The following IMMP2L variants were observed in gnomAD, a reference collection of about 807,000 sequenced individuals.
IMMP2L encodes the protein mitochondrial inner membrane protease subunit 2.
A neutral mutation model predicts 19.3 loss-of-function variants in IMMP2L; 18 were observed. The observed-to-expected ratio is 0.93, with a 90% CI of 0.64 to 1.38. IMMP2L has a LOEUF of 1.38. Among genes scored for constraint, IMMP2L ranks in the 40% most tolerant of loss-of-function variants. The pLI, the probability that IMMP2L is intolerant of heterozygous loss-of-function variation, is 0.00. For synonymous variants in IMMP2L, 76 were observed against 73.0 expected (o/e 1.04, Z -0.21); for missense variants, 233 against 218.2 (o/e 1.07, Z -0.43).
At chr7:111,222,053 T>C (rs1812576360) in intron 3 of IMMP2L, among the ~76,000 whole-genome samples, 1 of 151,928 alleles carries the variant, frequency 6.6e-6, no homozygotes, top group Non-Finnish European at 1.5e-5. Context: ...ATTTACTTTT[T>C]TCTTGTCTTC....
intron 1 of IMMP2L, among the ~76,000 whole-genome samples, chr7:111,528,325 A>G (rs1198688917): frequency 1.3e-5 from 2 of 152,146 alleles, no homozygotes; most frequent in African/African-American, 4.8e-5. Flanking sequence ...CCCCCAGCAA[A>G]AAGGGAATAA....
intron 3 of IMMP2L, among the ~76,000 whole-genome samples, chr7:111,250,240 C>T (rs1388971966): frequency 3.3e-5 from 5 of 152,052 alleles, no homozygotes; most frequent in African/African-American, 1.2e-4. Flanking sequence ...CAAACCACTG[C>T]TCCAAGAAAT....
intron 5 of IMMP2L, among the ~76,000 whole-genome samples, chr7:110,799,588 T>A (rs1204495249): frequency 6.6e-6 from 1 of 152,060 alleles, no homozygotes; most frequent in Non-Finnish European, 1.5e-5. Context: ...CCAAATACTT[T>A]AGTAAAGGGA....
At chr7:111,032,659 T>C (rs186507222) in intron 3 of IMMP2L, among the ~76,000 whole-genome samples, 4 of 151,932 alleles carry the variant, frequency 2.6e-5, no homozygotes, top group African/African-American at 7.2e-5. Context: ...CCCTCCCTAC[T>C]AAAAATACAA....
At chr7:111,447,897 G>T (rs1240474933) in intron 3 of IMMP2L, among the ~76,000 whole-genome samples, 1 of 149,028 alleles carries the variant, frequency 6.7e-6, no homozygotes, top group Admixed American at 6.7e-5. Flanking sequence ...AAAAAGGCAG[G>T]GGTTGCAATC....
intron 5 of IMMP2L, among the ~76,000 whole-genome samples, chr7:110,699,317 T>C (rs1794096411): frequency 6.6e-6 from 1 of 152,194 alleles, no homozygotes; most frequent in African/African-American, 2.4e-5. Flanking sequence ...TAAGTCATAT[T>C]AGGACAAAGA....
At chr7:110,733,866 A>G (rs1796442997) in intron 5 of IMMP2L, among the ~76,000 whole-genome samples, 1 of 152,086 alleles carries the variant, frequency 6.6e-6, no homozygotes, top group Non-Finnish European at 1.5e-5. Flanking sequence ...GCATCCAGGT[A>G]CCATCTATGA....
chr7:110,937,347 G>A (rs1816235635), intron 4 of IMMP2L, among the ~76,000 whole-genome samples: 1 of 152,160 alleles, frequency 6.6e-6, no homozygotes, highest in Non-Finnish European at 1.5e-5. Flanking sequence ...GCATTAAGAG[G>A]AGTGGGCGTG....
rs1814663155 is a variant in IMMP2L at position 110,924,704 on chromosome 7, C to A, written c.306-38009G>T. Among the ~76,000 whole-genome samples the A allele has an allele frequency of 6.6e-6, 1 of 151,970 alleles. No individual in the cohort carries two copies. Among genetic ancestry groups the A allele is most frequent in the Non-Finnish European group, 1.5e-5 (1 of 67,998 alleles). Reference sequence around the variant, plus strand: ...GCTGAGACTCAACAATTTAAATGGCCTCATTTCTTCTTTCAGTGCTTTGGA... The same window carrying A: ...GCTGAGACTCAACAATTTAAATGGCATCATTTCTTCTTTCAGTGCTTTGGA... On this transcript the variant is annotated intron_variant, in intron 4 of 5. Transcript: ENST00000405709. The surrounding 1 kb of genome is among the most constrained non-coding windows in gnomAD (Gnocchi z 4.2).
chr7:111,102,122 T>C (rs1188974093), intron 3 of IMMP2L, among the ~76,000 whole-genome samples: 1 of 151,366 alleles, frequency 6.6e-6, no homozygotes, highest in African/African-American at 2.4e-5. Flanking sequence ...AAAATCCCTA[T>C]ATTGGGATAG....
At chr7:111,498,618 A>T (rs1236466633) in intron 2 of IMMP2L, among the ~76,000 whole-genome samples, 1 of 152,186 alleles carries the variant, frequency 6.6e-6, no homozygotes, top group East Asian at 1.9e-4. Flanking sequence ...TGATTCCCTC[A>T]GAAGCATGTA....
chr7:111,512,179 A>G (rs1323678077), intron 2 of IMMP2L, among the ~76,000 whole-genome samples: 1 of 152,204 alleles, frequency 6.6e-6, no homozygotes, highest in African/African-American at 2.4e-5. Flanking sequence ...ATTCATACAG[A>G]GAATACTTTT....
chr7:111,016,459 T>A (rs898345371), intron 3 of IMMP2L, among the ~76,000 whole-genome samples: 1 of 134,658 alleles, frequency 7.4e-6, no homozygotes, highest in Middle Eastern at 3.9e-3. Flanking sequence ...ATAATAAATA[T>A]ATATATTTAT....
In IMMP2L at chr7:111,548,922, CA is replaced by C. The variant is rs1310098376; in HGVS notation, c.-3+12928del. 9.9e-5 allele frequency among the ~76,000 whole-genome samples: 15 copies of C among 152,160 alleles called. No homozygotes were observed. In the East Asian group the frequency reaches 2.1e-3, roughly 22 times the overall value. On this transcript the variant is annotated intron_variant, in intron 1 of 5. Transcript: ENST00000405709. ...GAAATAATGTGTCTCTGACACTATCCAAAAATGTGGCAACATAATTTATGCT... is the reference window on the plus strand; with the variant it reads ...GAAATAATGTGTCTCTGACACTATCCAAAATGTGGCAACATAATTTATGCT...
At chr7:111,050,129 A>T (rs1792860395) in intron 3 of IMMP2L, among the ~76,000 whole-genome samples, 1 of 152,368 alleles carries the variant, frequency 6.6e-6, no homozygotes, top group South Asian at 2.1e-4. Flanking sequence ...AAAATGAAGT[A>T]TATAATAGGC....
At chr7:110,733,835 A>G (rs2130830702) in intron 5 of IMMP2L, among the ~76,000 whole-genome samples, 1 of 152,076 alleles carries the variant, frequency 6.6e-6, no homozygotes, top group East Asian at 1.9e-4. Context: ...GCATTCATCC[A>G]TTCCATCATG....
chr7:111,001,431 T>C (rs551507062), intron 3 of IMMP2L, among the ~76,000 whole-genome samples: 1 of 152,284 alleles, frequency 6.6e-6, no homozygotes, highest in African/African-American at 2.4e-5. Context: ...ATAAATATAA[T>C]ATGTTCACAC....
intron 5 of IMMP2L, among the ~76,000 whole-genome samples, chr7:110,705,719 T>A (rs1296677377): frequency 6.6e-6 from 1 of 151,914 alleles, no homozygotes; most frequent in Non-Finnish European, 1.5e-5. Context: ...AAAAGTTAGT[T>A]TTTCAACCCT....
At chr7:110,865,648 C>T in intron 5 of IMMP2L, among the ~76,000 whole-genome samples, 1 of 151,886 alleles carries the variant, frequency 6.6e-6, no homozygotes, top group East Asian at 1.9e-4. Flanking sequence ...AGACACCCTC[C>T]TTCAAAAAAC....
Sources: gnomAD v4.1 joint callset for allele counts (sites outside exome capture counted in the v4.1 genomes callset) on GRCh38, gnomAD v4.1.1 for gene constraint, Gnocchi (gnomAD v3.1) non-coding constraint, MANE v1.5 for transcripts, NCBI Gene and HGNC (gene_info 2026-07-23, HGNC 2026-07-21) for gene names.